DLG1: variants seen among roughly 807,000 people sequenced by gnomAD.
The protein encoded by DLG1 is discs large MAGUK scaffold protein 1.
Under a neutral mutation model 123.4 loss-of-function variants are expected in DLG1, and 42 were observed. That is an observed-to-expected ratio of 0.34 (90% CI 0.27 to 0.44). The LOEUF is 0.44. Among genes scored for constraint, DLG1 ranks in the 20% least tolerant of loss-of-function variants. The probability of loss-of-function intolerance (pLI) is 1.00; values close to 1 mark genes in which losing one functional copy is unlikely to be tolerated. For synonymous variants in DLG1, 317 were observed against 356.2 expected (o/e 0.89, Z 1.24); for missense variants, 942 against 1,082.6 (o/e 0.87, Z 1.82).
intron 4 of DLG1, among the ~76,000 whole-genome samples, chr3:197,199,436 A>G (rs920233781): frequency 1.3e-5 from 2 of 152,136 alleles, no homozygotes; most frequent in East Asian, 1.9e-4. Flanking sequence ...TAGTGTATAT[A>G]AAGTCCTTCA....
chr3:197,156,549 T>C (rs1427189591), intron 5 of DLG1, among the ~76,000 whole-genome samples: 2 of 152,118 alleles, frequency 1.3e-5, no homozygotes, highest in Admixed American at 1.3e-4. Flanking sequence ...AACCACAAGC[T>C]GTACACAAGA....
At chr3:197,180,173 A>G (rs1809436133) in intron 5 of DLG1, among the ~76,000 whole-genome samples, 1 of 152,040 alleles carries the variant, frequency 6.6e-6, no homozygotes, top group African/African-American at 2.4e-5. Flanking sequence ...AAATGACTGA[A>G]CACTTCACAG....
At chr3:197,273,210 GTATGTGTGTGTATA>G (rs147472134) in intron 4 of DLG1, among the ~76,000 whole-genome samples, 3 of 150,636 alleles carry the variant, frequency 2.0e-5, no homozygotes, top group Admixed American at 6.6e-5. Flanking sequence ...GTGTGTGTGT[GTATGTGTGTGTATA>G]TATATATATT....
chr3:197,106,122 G>C (rs1183660816), intron 13 of DLG1, among the ~76,000 whole-genome samples: 1 of 152,150 alleles, frequency 6.6e-6, no homozygotes, highest in Non-Finnish European at 1.5e-5. Flanking sequence ...CATACCCCTT[G>C]AGGCTGGGCA....
chr3:197,085,641 C>T lies in DLG1; in HGVS notation c.1777G>A (p.Ala593Thr). The T allele has an allele frequency of 6.2e-7, 1 of 1,614,014 alleles. No individual in the cohort carries two copies. Among genetic ancestry groups the T allele is most frequent in the South Asian group, 1.1e-5 (1 of 91,072 alleles). The change falls in exon 16 of 25, where the codon GCC becomes ACC. Residue 593 changes from alanine to threonine, a missense_variant. Coordinates refer to ENST00000667157, the MANE Select transcript of DLG1 (RefSeq NM_001366207.1). ...TCACCATCTGGTGTAACCTGCCTGG[C>T]TTGCCACCATTCATCATCAGAAGCA... The part of the protein sequence containing the change: ...INASDDEWWQ[A>T]RQVTPDGESD...
intron 3 of DLG1, among the ~76,000 whole-genome samples, chr3:197,296,015 A>G (rs964802789): frequency 6.6e-6 from 1 of 152,246 alleles, no homozygotes; most frequent in African/African-American, 2.4e-5. Flanking sequence ...GACTTCAGAG[A>G]CATGCCAGTC....
intron 5 of DLG1, among the ~76,000 whole-genome samples, chr3:197,158,066 C>A (rs900767039): frequency 6.6e-6 from 1 of 152,098 alleles, no homozygotes; most frequent in African/African-American, 2.4e-5. Context: ...CCAGAATACA[C>A]AGAGGAACTC....
At chr3:197,279,875 T>A in intron 4 of DLG1, among the ~76,000 whole-genome samples, 2 of 152,342 alleles carry the variant, frequency 1.3e-5, no homozygotes, top group South Asian at 4.1e-4. Context: ...TATTGATATA[T>A]AATGGTATGT....
chr3:197,090,439 T>C lies in DLG1; in HGVS notation c.1661+473A>G, dbSNP rs1757137359. ...TTCTCCCAAGTGTTTAAAAAATGCA[T>C]GTAGAAATTTTCCAAATATGCATTA... is the stretch of plus-strand genomic sequence containing the variant. On this transcript the variant is annotated intron_variant, in intron 15 of 24. Coordinates refer to ENST00000667157, the MANE Select transcript of DLG1 (RefSeq NM_001366207.1). 2.0e-5 allele frequency among the ~76,000 whole-genome samples: 3 copies of C among 152,066 alleles called. No individual in the cohort carries two copies. In the South Asian group the frequency reaches 6.2e-4, roughly 31 times the overall value.
chr3:197,183,636 G>T (rs745426691), intron 5 of DLG1: 3 of 1,550,528 alleles, frequency 1.9e-6, no homozygotes, highest in East Asian at 2.4e-5. Flanking sequence ...AGTGAAAAAT[G>T]CAACTATCTG....
intron 4 of DLG1, among the ~76,000 whole-genome samples, chr3:197,212,582 C>A (rs1027453863): frequency 2.6e-5 from 4 of 152,232 alleles, no homozygotes; most frequent in African/African-American, 9.7e-5. Context: ...ATGCATCACT[C>A]TGATCTCTGC....
intron 17 of DLG1, chr3:197,078,456 C>T (rs969413029): frequency 6.6e-6 from 1 of 151,584 alleles, no homozygotes; most frequent in Non-Finnish European, 1.5e-5. Context: ...ATAATTAATT[C>T]AGGATTAATA....
chr3:197,048,760 A>G (rs1418425685), intron 24 of DLG1, among the ~76,000 whole-genome samples: 2 of 152,090 alleles, frequency 1.3e-5, no homozygotes, highest in East Asian at 3.9e-4. Context: ...GGTTCAAGCA[A>G]TTCTCCTGCC....
chr3:197,286,156 G>A (rs1259388728), intron 3 of DLG1, among the ~76,000 whole-genome samples: 1 of 152,158 alleles, frequency 6.6e-6, no homozygotes, highest in Non-Finnish European at 1.5e-5. Flanking sequence ...ATGACATTCT[G>A]GAAAAGGCAA....
Position 197,115,181 on chromosome 3 carries a change from C to A in DLG1, c.1443+746G>T, listed in dbSNP as rs189641957. Among the ~76,000 whole-genome samples, 514 of 151,584 alleles carry A rather than the reference C, an allele frequency of 3.4e-3. 2 individuals carry two copies. Among genetic ancestry groups the A allele is most frequent in the Non-Finnish European group, 5.2e-3 (353 of 67,846 alleles). Reference sequence around the variant, plus strand: ...TTTTAATAAACAAAAATAAAAATTACAATTTATGGGTATAAACATGAAACA... The same window carrying A: ...TTTTAATAAACAAAAATAAAAATTAAAATTTATGGGTATAAACATGAAACA... On this transcript the variant is annotated intron_variant, in intron 13 of 24. Transcript: ENST00000667157.
chr3:197,280,146 C>T (rs1293750810), intron 4 of DLG1, among the ~76,000 whole-genome samples: 2 of 152,144 alleles, frequency 1.3e-5, no homozygotes, highest in African/African-American at 4.8e-5. Flanking sequence ...CCTCTCCCAC[C>T]CTTCCCAGTC....
intron 14 of DLG1, 33 bp from the exon 15 acceptor site, chr3:197,091,059 A>G (rs780675178): frequency 8.5e-5 from 121 of 1,415,546 alleles, no homozygotes; most frequent in Middle Eastern, 1.8e-4. Context: ...AAATTGATAT[A>G]TTTTCAAAAA....
chr3:197,162,562 G>T (rs1799230469), intron 5 of DLG1, among the ~76,000 whole-genome samples: 1 of 152,096 alleles, frequency 6.6e-6, no homozygotes, highest in African/African-American at 2.4e-5. Context: ...AAATAAAATG[G>T]CAATGATCTT....
intron 4 of DLG1, among the ~76,000 whole-genome samples, chr3:197,221,477 G>C (rs1016226940): frequency 6.6e-6 from 1 of 151,926 alleles, no homozygotes; most frequent in Admixed American, 6.6e-5. Context: ...CCGAGCCGAG[G>C]CTGCACCACT....
Sources: gnomAD v4.1 joint callset for allele counts (sites outside exome capture counted in the v4.1 genomes callset) on GRCh38, gnomAD v4.1.1 for gene constraint, MANE v1.5 for transcripts, NCBI Gene and HGNC (gene_info 2026-07-23, HGNC 2026-07-21) for gene names.